The following MRPS21 variants were observed in gnomAD, a reference collection of about 807,000 sequenced individuals.
MRPS21 encodes mitochondrial ribosomal protein S21, also known as small ribosomal subunit protein bS21m.
MRPS21 carries 8 observed loss-of-function variants against 9.9 expected under a neutral mutation model. That is an observed-to-expected ratio of 0.81 (90% confidence interval 0.47 to 1.45). MRPS21 has a LOEUF of 1.45. Among genes scored for constraint, MRPS21 ranks in the 40% most tolerant of loss-of-function variants. MRPS21 has a pLI of 0.00. For missense variants in MRPS21, 101 were observed against 118.9 expected (o/e 0.85, Z 0.70); for synonymous variants, 40 against 40.3 (o/e 0.99, Z 0.03).
At chr1:150,304,309 TA>T (rs1183387675) in intron 2 of MRPS21, 7,142 of 108,224 alleles carry the variant, frequency 0.066, 28 homozygotes, top group South Asian at 0.18. Flanking sequence ...AGGCCCTGCC[TA>T]CAAAAAAAAA....
intron 2 of MRPS21, among the ~76,000 whole-genome samples, chr1:150,299,075 G>A (rs1291922745): frequency 6.6e-6 from 1 of 152,310 alleles, no homozygotes; most frequent in Non-Finnish European, 1.5e-5. Context: ...AATTAGCCAT[G>A]CATGGTGGCA....
At chr1:150,305,175 G>GT (rs1654286413) in intron 2 of MRPS21, among the ~76,000 whole-genome samples, 1 of 148,548 alleles carries the variant, frequency 6.7e-6, no homozygotes. Context: ...GTAGCTGGGA[G>GT]TGCAGGTGTG....
chr1:150,294,591 T>C lies in MRPS21; in HGVS notation c.83+142T>C. The C allele has an allele frequency of 8.3e-6, 6 of 721,136 alleles. No individual in the cohort carries two copies. In the Middle Eastern group the frequency reaches 1.3e-3, roughly 158 times the overall value. 44.7% of individuals were successfully genotyped at this position (721,136 alleles called of 1,614,324 possible). A position where few individuals can be genotyped will look rare whatever the true frequency, so the allele number is the denominator to read the frequency against. ...CTCTTAAAACGTCTCAGCCCCTCAG[T>C]TTATTATCTTAAAAATGAAGTTCTG... is the stretch of plus-strand genomic sequence containing the variant. On this transcript the variant is annotated intron_variant, in intron 2 of 2. Transcript: ENST00000614145.
chr1:150,294,591 TTTA>T (rs1653844976), intron 2 of MRPS21, 142 bp downstream of exon 2: 1 of 721,018 alleles, frequency 1.4e-6, no homozygotes, highest in African/African-American at 1.8e-5. Context: ...AGCCCCTCAG[TTTA>T]TTATCTTAAA....
chr1:150,306,788 C>T (rs1329135174), intron 2 of MRPS21, among the ~76,000 whole-genome samples: 1 of 152,216 alleles, frequency 6.6e-6, no homozygotes, highest in East Asian at 1.9e-4. Flanking sequence ...AGCCACCAGC[C>T]TGACAGGATG....
chr1:150,302,054 G>A (rs1342203701), intron 2 of MRPS21, among the ~76,000 whole-genome samples: 5 of 152,058 alleles, frequency 3.3e-5, no homozygotes, highest in African/African-American at 1.2e-4. Context: ...TTTCCCAAAT[G>A]TCCTCTCTCT....
At chr1:150,295,078 C>T (rs187656033) in intron 2 of MRPS21, among the ~76,000 whole-genome samples, 85 of 150,368 alleles carry the variant, frequency 5.7e-4, no homozygotes, top group Non-Finnish European at 9.9e-4. Context: ...TCACTGCAAG[C>T]TCCGCTTCCT....
intron 2 of MRPS21, among the ~76,000 whole-genome samples, chr1:150,300,745 G>A (rs1453108473): frequency 6.6e-6 from 1 of 152,054 alleles, no homozygotes; most frequent in Non-Finnish European, 1.5e-5. Context: ...GTATCCTTTG[G>A]CATTCTGTTA....
intron 2 of MRPS21, among the ~76,000 whole-genome samples, chr1:150,298,836 G>A (rs971354514): frequency 2.6e-5 from 4 of 151,868 alleles, no homozygotes; most frequent in Non-Finnish European, 5.9e-5. Context: ...TCCTGACCTC[G>A]TGATCTGCCC....
At chr1:150,303,914 A>T in intron 2 of MRPS21, 1 of 456,022 alleles carries the variant, frequency 2.2e-6, no homozygotes, top group Non-Finnish European at 4.4e-6. Flanking sequence ...TTCTTTGCCA[A>T]GTATTTTGTT....
intron 2 of MRPS21, among the ~76,000 whole-genome samples, chr1:150,302,192 C>T (rs1445797319): frequency 6.6e-6 from 1 of 152,160 alleles, no homozygotes; most frequent in Non-Finnish European, 1.5e-5. Context: ...GGTAGGAGAG[C>T]AAATGAGTCT....
intron 2 of MRPS21, among the ~76,000 whole-genome samples, chr1:150,294,996 ATTTTTT>A (rs1449221647): frequency 7.3e-6 from 1 of 136,594 alleles, no homozygotes; most frequent in African/African-American, 2.7e-5. Flanking sequence ...TTTAATTTTA[ATTTTTT>A]TTTTTTTTTT....
chr1:150,307,348 CTTTT>C (rs1572154026), intron 2 of MRPS21, among the ~76,000 whole-genome samples: 1 of 87,552 alleles, frequency 1.1e-5, no homozygotes, highest in South Asian at 3.9e-4. Context: ...GTGCCCAGTC[CTTTT>C]TTTTTTTTTT....
chr1:150,308,281 C>G lies in MRPS21; in HGVS notation c.*53C>G, dbSNP rs901264059. ...AACCCTCATCCAGTTTTCTCTCCAT[C>G]TCTTTTCTTTGTACAATCCCATTTC... is the stretch of plus-strand genomic sequence containing the variant. On this transcript the variant is annotated 3_prime_UTR_variant, in exon 3 of 3. Transcript: ENST00000614145. The G allele has an allele frequency of 5.2e-6, 8 of 1,535,964 alleles. No individual in the cohort carries two copies. The highest frequency in any genetic ancestry group is 1.8e-5 in the Admixed American group (1 of 55,644).
chr1:150,307,805 C>G (rs1654397825), intron 2 of MRPS21, among the ~76,000 whole-genome samples: 1 of 152,064 alleles, frequency 6.6e-6, no homozygotes, highest in Non-Finnish European at 1.5e-5. Flanking sequence ...GTCTCAAACT[C>G]CTGGGCTCAA....
intron 2 of MRPS21, among the ~76,000 whole-genome samples, chr1:150,295,505 A>T (rs1273817075): frequency 6.6e-6 from 1 of 152,208 alleles, no homozygotes; most frequent in African/African-American, 2.4e-5. Flanking sequence ...AAAAGAGCCC[A>T]AATGGAAAAT....
intron 2 of MRPS21, among the ~76,000 whole-genome samples, chr1:150,305,630 CTT>C (rs1654300953): frequency 6.6e-6 from 1 of 151,972 alleles, no homozygotes; most frequent in African/African-American, 2.4e-5. Context: ...GAGTCTCCAT[CTT>C]TTGCCCAGCT....
intron 2 of MRPS21, among the ~76,000 whole-genome samples, chr1:150,295,045 G>T (rs1325475096): frequency 6.8e-6 from 1 of 148,064 alleles, no homozygotes; most frequent in Non-Finnish European, 1.5e-5. Context: ...ACCCAGGCTG[G>T]AGTGCAGCGG....
intron 2 of MRPS21, among the ~76,000 whole-genome samples, chr1:150,299,966 C>A (rs1654057840): frequency 1.3e-5 from 2 of 152,094 alleles, no homozygotes; most frequent in African/African-American, 4.8e-5. Flanking sequence ...GAATCAGAAT[C>A]TCCAGGGGTT....
Sources: gnomAD v4.1 joint callset for allele counts (sites outside exome capture counted in the v4.1 genomes callset) on GRCh38, gnomAD v4.1.1 for gene constraint, MANE v1.5 for transcripts, NCBI Gene and HGNC (gene_info 2026-07-23, HGNC 2026-07-21) for gene names.